The following ANGPT4 variants were observed in gnomAD, a reference collection of about 807,000 sequenced individuals.
ANGPT4 encodes the protein angiopoietin-4.
In ANGPT4, 50 loss-of-function variants were observed where a neutral mutation model predicts 53.0. That is an observed-to-expected ratio of 0.94 (90% CI 0.75 to 1.20). ANGPT4 has a LOEUF of 1.20. ANGPT4 is among the 50% of genes most tolerant of loss of function. ANGPT4 has a pLI of 0.00. For missense variants in ANGPT4, 648 were observed against 637.1 expected, an observed-to-expected ratio of 1.02 and a Z score of -0.18; for synonymous variants, 251 against 259.7, an observed-to-expected ratio of 0.97 and a Z score of 0.32.
At chr20:885,417 C>T in intron 3 of ANGPT4, 92 bp from the exon 4 acceptor site, 3 of 1,426,426 alleles carry the variant, frequency 2.1e-6, no homozygotes, top group Non-Finnish European at 2.7e-6. Flanking sequence ...CCCTGCAGCC[C>T]GACGATGAGA....
At chr20:904,056 CTG>C (rs959767281) in intron 1 of ANGPT4, among the ~76,000 whole-genome samples, 11 of 152,086 alleles carry the variant, frequency 7.2e-5, no homozygotes, top group Non-Finnish European at 1.6e-4. Context: ...TCTTACCTAG[CTG>C]TGTGTGTGTG....
intron 1 of ANGPT4, among the ~76,000 whole-genome samples, chr20:912,057 C>T (rs527734945): frequency 9.9e-5 from 15 of 152,174 alleles, no homozygotes; most frequent in Admixed American, 2.6e-4. Flanking sequence ...ATGTGCTGCC[C>T]TCAGGTGGTG....
At chr20:915,091 C>T (rs1982871618) in intron 1 of ANGPT4, among the ~76,000 whole-genome samples, 1 of 152,210 alleles carries the variant, frequency 6.6e-6, no homozygotes, top group African/African-American at 2.4e-5. Context: ...GCGGCCACCT[C>T]TTTGGGCTTC....
rs1982715080 is a variant in ANGPT4 at position 911,859 on chromosome 20, AGAGAGACAGAGAGAGGGAG to A, written c.309+4028_309+4046del. Among the ~76,000 whole-genome samples the A allele has an allele frequency of 1.3e-5, 1 of 74,178 alleles. No individual in the cohort carries two copies. Among genetic ancestry groups the A allele is most frequent in the Admixed American group, 1.3e-4 (1 of 7,866 alleles). 48.7% of individuals were successfully genotyped at this position (74,178 alleles called of 152,430 possible). A position where few individuals can be genotyped will look rare whatever the true frequency, so the allele number is the denominator to read the frequency against. ...GGGAGAGAGGGACAGAGAGAGGGAG[AGAGAGACAGAGAGAGGGAG>A]AAAGAGACAGAGACAGACAGAGATA... On this transcript the variant is annotated intron_variant, in intron 1 of 8. Coordinates refer to ENST00000381922, the MANE Select transcript of ANGPT4 (RefSeq NM_015985.4). This position sits in a 1 kb window ranked among gnomAD's most constrained non-coding sequence, Gnocchi z 4.9.
chr20:890,958 A>C (rs991710399), intron 1 of ANGPT4, among the ~76,000 whole-genome samples: 6 of 151,726 alleles, frequency 4.0e-5, no homozygotes, highest in Non-Finnish European at 7.4e-5. Context: ...ACTTATCACC[A>C]CCTGACTTTT....
chr20:885,006 A>G (rs1981553828), intron 4 of ANGPT4, 72 bp downstream of exon 4: 1 of 1,585,754 alleles, frequency 6.3e-7, no homozygotes, highest in African/African-American at 1.4e-5. Flanking sequence ...GAGACCCTGG[A>G]GGGTGAGCAG....
At chr20:890,025 C>A (rs187103540) in intron 2 of ANGPT4, among the ~76,000 whole-genome samples, 188 bp downstream of exon 2, 3 of 152,222 alleles carry the variant, frequency 2.0e-5, no homozygotes, top group Non-Finnish European at 4.4e-5. Flanking sequence ...ATCCACCCCC[C>A]AGGGCTCATA....
At position 885,130 on chromosome 20, in the gene ANGPT4, C is replaced by A. The variant is rs1360178605; in HGVS notation, c.783G>T (p.Leu261=). Residue 261 remains leucine (L), a synonymous_variant, in exon 4 of 9, where the codon CTG becomes CTT. Transcript: ENST00000381922. ...LQDQQHSLRQ[L]LVLLRHLVQE... is the part of the protein sequence containing the mutation. ...GCACCAGGTGCCGCAACAACACCAG[C>A]AGCTGGCGCAGGCTGTGCTGCTGGT... 5.0e-6 allele frequency: 8 copies of A among 1,612,894 alleles called. No individual in the cohort carries two copies. In the South Asian group the frequency reaches 7.7e-5, roughly 16 times the overall value.
chr20:876,148 A>C (rs923238819), intron 7 of ANGPT4, among the ~76,000 whole-genome samples: 15,736 of 142,100 alleles, frequency 0.11, 1,125 homozygotes, highest in African/African-American at 0.21. Context: ...CTGTCTCAAA[A>C]AAAAAAAAAA....
intron 4 of ANGPT4, among the ~76,000 whole-genome samples, chr20:883,331 G>A (rs1600047018): frequency 6.6e-6 from 1 of 152,248 alleles, no homozygotes; most frequent in East Asian, 1.9e-4. Context: ...TCATGCACAA[G>A]TTTGGTCTTT....
chr20:906,978 G>A (rs1982499069), intron 1 of ANGPT4, among the ~76,000 whole-genome samples: 1 of 152,188 alleles, frequency 6.6e-6, no homozygotes. Flanking sequence ...ATCCAGTGTG[G>A]TCTGGGCCTG....
chr20:885,385 CGCGCCTCCCCG>C (rs1981582759), intron 3 of ANGPT4, 60 bp from the exon 4 acceptor site: 1 of 1,453,924 alleles, frequency 6.9e-7, no homozygotes, highest in Non-Finnish European at 9.0e-7. Flanking sequence ...CGCACCCCCG[CGCGCCTCCCCG>C]GCCCTGGAGT....
rs560737329 is a variant in ANGPT4, at chr20:888,410, G to A, written c.495C>T (p.Ala165=). The change falls in exon 3 of 9, where the codon GCC becomes GCT. Residue 165 remains alanine (A), a synonymous_variant. Coordinates refer to ENST00000381922, the MANE Select transcript of ANGPT4 (RefSeq NM_015985.4). ...TGGACAGAAAGGTCTCTGGCATCTG[G>A]GCATCCATTCTTGATGTCTGGTTCA... ...QLLNQTSRMD[A]QMPETFLSTN... is the part of the protein sequence containing the mutation. 6.2e-7 allele frequency: 1 copy of A among 1,613,424 alleles called. No individual in the cohort carries two copies. The highest frequency in any genetic ancestry group is 1.3e-5 in the African/African-American group (1 of 75,006).
intron 3 of ANGPT4, among the ~76,000 whole-genome samples, chr20:887,528 T>C (rs1348092453): frequency 6.6e-6 from 1 of 151,356 alleles, no homozygotes; most frequent in Non-Finnish European, 1.5e-5. Context: ...GATTTTGCCT[T>C]CTCCAGAACC....
rs147941425 is a variant in ANGPT4, at chr20:914,913, C to T, written c.309+993G>A. On this transcript the variant is annotated intron_variant, in intron 1 of 8. Transcript: ENST00000381922. This position sits in a 1 kb window ranked among gnomAD's most constrained non-coding sequence, Gnocchi z 5.0. ...TTCTACAGCAGCCCTGGTCTTGGGC[C>T]AAAACCACAGTGGCATCCTCAGCTC... is the stretch of plus-strand genomic sequence containing the variant. Among the ~76,000 whole-genome samples the T allele has an allele frequency of 1.2e-3, 186 of 152,244 alleles. No homozygotes were observed. Among genetic ancestry groups the T allele is most frequent in the Middle Eastern group, 6.8e-3 (2 of 294 alleles).
intron 1 of ANGPT4, among the ~76,000 whole-genome samples, chr20:910,777 G>T (rs535989989): frequency 1.3e-5 from 2 of 152,240 alleles, no homozygotes; most frequent in Admixed American, 1.3e-4. Flanking sequence ...CCGTCCTTTT[G>T]GGGGAAGTCG....
At chr20:910,171 G>A (rs952091900) in intron 1 of ANGPT4, among the ~76,000 whole-genome samples, 3 of 152,170 alleles carry the variant, frequency 2.0e-5, no homozygotes, top group East Asian at 1.9e-4. Context: ...AAGATCTTGG[G>A]CAAGTCACCT....
intron 3 of ANGPT4, 144 bp from the exon 4 acceptor site, chr20:885,469 A>G (rs991755633): frequency 6.5e-6 from 8 of 1,225,004 alleles, no homozygotes; most frequent in Non-Finnish European, 7.6e-6. Flanking sequence ...GTAGGCACAG[A>G]TTGAGGAGGG....
chr20:895,655 C>T (rs1982018827), intron 1 of ANGPT4, among the ~76,000 whole-genome samples: 1 of 152,174 alleles, frequency 6.6e-6, no homozygotes, highest in African/African-American at 2.4e-5. Flanking sequence ...TTCTCTCCTG[C>T]ATTATTTATA....
Sources: allele counts gnomAD v4.1 joint callset (sites outside exome capture counted in the v4.1 genomes callset), GRCh38; gene constraint gnomAD v4.1.1; non-coding constraint Gnocchi (gnomAD v3.1); transcripts MANE v1.5; gene names NCBI Gene and HGNC (gene_info 2026-07-23, HGNC 2026-07-21).